Variants in PCDH7 observed in about 807,000 individuals in gnomAD.
PCDH7 encodes protocadherin 7.
PCDH7 carries 17 observed loss-of-function variants against 58.9 expected under a neutral mutation model. The ratio of observed to expected loss-of-function variants is 0.29; its 90% CI spans 0.20 to 0.43. The LOEUF is 0.43. PCDH7 is among the 20% of genes least tolerant of loss of function. The pLI is 1.00. For missense variants in PCDH7, 1,274 were observed against 1,441.0 expected, an observed-to-expected ratio of 0.88 and a Z score of 1.88; for synonymous variants, 664 against 616.4, an observed-to-expected ratio of 1.08 and a Z score of -1.14.
rs1431925698 is a variant in PCDH7 at position 30,721,415 on chromosome 4, A to T, written c.-8A>T. On this transcript the variant is annotated 5_prime_UTR_variant, in exon 1 of 2. Transcript: ENST00000361762. This position sits in a 1 kb window ranked among gnomAD's most constrained non-coding sequence, Gnocchi z 6.7. ...TAGAAGGAGCAGTAGCAGCAGCAGC[A>T]GGAGAAGATGCTGAGGATGCGGACC... The T allele has an allele frequency of 6.7e-7, 1 of 1,488,694 alleles. No individual in the cohort carries two copies. The highest frequency in any genetic ancestry group is 2.4e-5 in the East Asian group (1 of 41,492). 92.2% of individuals were successfully genotyped at this position (1,488,694 alleles called of 1,614,324 possible).
At chr4:31,082,931 AC>A (rs1334273581) in intron 3 of PCDH7, among the ~76,000 whole-genome samples, 1 of 152,028 alleles carries the variant, frequency 6.6e-6, no homozygotes, top group Non-Finnish European at 1.5e-5. Flanking sequence ...ACATGGTGAA[AC>A]CCCGTCTCTA....
intron 3 of PCDH7, among the ~76,000 whole-genome samples, chr4:31,083,314 T>A (rs1454787513): frequency 6.6e-6 from 1 of 152,122 alleles, no homozygotes; most frequent in Non-Finnish European, 1.5e-5. Context: ...AACATCATAA[T>A]AAGAATAAAT....
intron 1 of PCDH7, among the ~76,000 whole-genome samples, chr4:30,916,844 A>T (rs2109411296): frequency 6.6e-6 from 1 of 152,272 alleles, no homozygotes; most frequent in East Asian, 1.9e-4. Context: ...GGGGATTTTT[A>T]AAAACTCCCG....
intron 2 of PCDH7, among the ~76,000 whole-genome samples, chr4:30,942,651 A>G (rs1746179537): frequency 1.3e-5 from 2 of 152,040 alleles, no homozygotes; most frequent in Non-Finnish European, 2.9e-5. Context: ...TATTTTCTAG[A>G]TAAGTTGGTA....
At chr4:30,909,267 G>A (rs1031456492) in intron 1 of PCDH7, among the ~76,000 whole-genome samples, 1 of 152,104 alleles carries the variant, frequency 6.6e-6, no homozygotes, top group Non-Finnish European at 1.5e-5. Flanking sequence ...TTGAAAAACG[G>A]CACAAGACAA....
intron 1 of PCDH7, among the ~76,000 whole-genome samples, chr4:30,829,679 A>G (rs1342774214): frequency 6.6e-6 from 1 of 152,114 alleles, no homozygotes; most frequent in Non-Finnish European, 1.5e-5. Context: ...TTTTAAACAG[A>G]TAAGACTATG....
intron 1 of PCDH7, among the ~76,000 whole-genome samples, chr4:30,751,950 A>G (rs1057315610): frequency 2.6e-5 from 4 of 152,226 alleles, no homozygotes; most frequent in Non-Finnish European, 5.9e-5. Flanking sequence ...GTTTCAAAAT[A>G]GTAAACTTGT....
At chr4:30,926,149 T>C (rs1743837548) in intron 2 of PCDH7, among the ~76,000 whole-genome samples, 1 of 151,764 alleles carries the variant, frequency 6.6e-6, no homozygotes, top group Admixed American at 6.6e-5. Context: ...ATTATTTAAA[T>C]AACAATGATA....
At chr4:31,037,956 G>C (rs1384495472) in intron 3 of PCDH7, among the ~76,000 whole-genome samples, 1 of 152,226 alleles carries the variant, frequency 6.6e-6, no homozygotes, top group African/African-American at 2.4e-5. Context: ...CATTGACACA[G>C]AAAGACAGCA....
intron 1 of PCDH7, among the ~76,000 whole-genome samples, chr4:30,911,322 C>T (rs915189818): frequency 5.2e-5 from 1 of 19,172 alleles, no homozygotes; most frequent in East Asian, 1.7e-3. Context: ...AAAAAATCAC[C>T]CCCCCCCCCA....
At position 31,068,968 on chromosome 4, in the gene PCDH7, T is replaced by C. The variant is rs140451280; in HGVS notation, c.*8-73505T>C. Reference sequence around the variant, plus strand: ...TTTAAAATATGGCTCCAGATACTTTTTTGGCTTTGTCCTAGAAATGTTGAG... The same window carrying C: ...TTTAAAATATGGCTCCAGATACTTTCTTGGCTTTGTCCTAGAAATGTTGAG... On this transcript the variant is annotated intron_variant, in intron 3 of 3. Coordinates refer to the PCDH7 transcript ENST00000509759. Among the ~76,000 whole-genome samples, 29 of 152,110 alleles carry C rather than the reference T, an allele frequency of 1.9e-4. 2 individuals are homozygous for C. The highest frequency in any genetic ancestry group is 6.7e-4 in the African/African-American group (28 of 41,526).
Position 31,142,567 on chromosome 4 carries a change from C to T in PCDH7, c.*102C>T, listed in dbSNP as rs148629328. 1,520 of 1,367,700 alleles carry T rather than the reference C, an allele frequency of 1.1e-3. 16 individuals carry two copies. The African/African-American group carries it at 0.02, about 18-fold the overall frequency. The allele number at this position is 1,367,700 out of a possible 1,614,324, so 84.7% of individuals were successfully genotyped here. A position where few individuals can be genotyped will look rare whatever the true frequency, so the allele number is the denominator to read the frequency against. On this transcript the variant is annotated 3_prime_UTR_variant, in exon 4 of 4. Transcript: ENST00000509759. ...CAGACTCCTGCTGGATGCCGGTCCG[C>T]ACTTCTCCGGAGAGGAAGAAGAGCC...
intron 1 of PCDH7, among the ~76,000 whole-genome samples, chr4:30,738,962 G>A (rs1716685043): frequency 6.6e-6 from 1 of 151,728 alleles, no homozygotes; most frequent in East Asian, 1.9e-4. Flanking sequence ...GACTCTTCAC[G>A]ATTATTATGT....
chr4:30,864,005 G>A (rs186407453), intron 1 of PCDH7, among the ~76,000 whole-genome samples: 1 of 152,050 alleles, frequency 6.6e-6, no homozygotes, highest in African/African-American at 2.4e-5. Flanking sequence ...CAGTAATCAA[G>A]AATTCACTGT....
At chr4:30,958,039 CAG>C in intron 3 of PCDH7, among the ~76,000 whole-genome samples, 1 of 151,948 alleles carries the variant, frequency 6.6e-6, no homozygotes, top group African/African-American at 2.4e-5. Context: ...CTGTGATAGA[CAG>C]AGGGTATTTA....
chr4:31,056,498 AAAGAAAGAAAGAAAGAAAGG>A (rs879697050), intron 3 of PCDH7, among the ~76,000 whole-genome samples: 2,669 of 136,308 alleles, frequency 0.02, 73 homozygotes, highest in African/African-American at 0.027. Flanking sequence ...AGAAAGAAAG[AAAGAAAGAAAGAAAGAAAGG>A]GGAAGGGAAG....
intron 3 of PCDH7, among the ~76,000 whole-genome samples, chr4:31,099,138 G>A (rs1714562158): frequency 6.6e-6 from 1 of 152,156 alleles, no homozygotes; most frequent in Admixed American, 6.5e-5. Context: ...CAGAGGGAGA[G>A]AACATTTCAT....
intron 1 of PCDH7, among the ~76,000 whole-genome samples, chr4:30,867,786 T>C (rs1735059740): frequency 6.6e-6 from 1 of 152,108 alleles, no homozygotes; most frequent in African/African-American, 2.4e-5. Context: ...AGCATTCATT[T>C]TTCATTCTGA....
intron 1 of PCDH7, among the ~76,000 whole-genome samples, chr4:30,810,389 A>C (rs1726816908): frequency 6.6e-6 from 1 of 151,900 alleles, no homozygotes; most frequent in African/African-American, 2.4e-5. Flanking sequence ...ATAGCTAATA[A>C]CTAATTGGAT....
Sources: gnomAD v4.1 joint callset for allele counts (sites outside exome capture counted in the v4.1 genomes callset) on GRCh38, gnomAD v4.1.1 for gene constraint, Gnocchi (gnomAD v3.1) non-coding constraint, MANE v1.5 for transcripts, NCBI Gene and HGNC (gene_info 2026-07-23, HGNC 2026-07-21) for gene names.